The following NRXN3 variants were observed in gnomAD, a reference collection of about 807,000 sequenced individuals.
NRXN3 encodes neurexin 3.
NRXN3 carries 32 observed loss-of-function variants against 137.6 expected under a neutral mutation model. That is an observed-to-expected ratio of 0.23 (90% CI 0.18 to 0.31). NRXN3 has a LOEUF of 0.31. Ranked by LOEUF, NRXN3 falls within the 10% of genes least tolerant of loss-of-function variation. The probability of loss-of-function intolerance (pLI) is 1.00; values close to 1 mark genes in which losing one functional copy is unlikely to be tolerated. For synonymous variants in NRXN3, 798 were observed against 784.5 expected, an observed-to-expected ratio of 1.02 and a Z score of -0.29; for missense variants, 1,574 against 2,062.5, an observed-to-expected ratio of 0.76 and a Z score of 4.59.
chr14:79,773,232 G>T (rs1245259302), intron 19 of NRXN3, among the ~76,000 whole-genome samples: 1 of 152,120 alleles, frequency 6.6e-6, no homozygotes, highest in African/African-American at 2.4e-5. Flanking sequence ...ATTCCTCAGG[G>T]ATCAAGAACT....
chr14:79,695,729 C>T (rs554247666), intron 18 of NRXN3, among the ~76,000 whole-genome samples: 56 of 151,464 alleles, frequency 3.7e-4, no homozygotes, highest in African/African-American at 1.4e-3. Context: ...ATTGAACTTT[C>T]TGCTGTGTCT....
intron 10 of NRXN3, among the ~76,000 whole-genome samples, chr14:78,838,350 A>G (rs1241916280): frequency 6.6e-6 from 1 of 152,206 alleles, no homozygotes; most frequent in Non-Finnish European, 1.5e-5. Flanking sequence ...TAATTTCTAC[A>G]GATTTTTTTA....
At chr14:78,177,798 C>G (rs2059416875) in intron 1 of NRXN3, 1 of 152,162 alleles carries the variant, frequency 6.6e-6, no homozygotes, top group Non-Finnish European at 1.5e-5. Context: ...TTCCTACTAC[C>G]AACATGACTA....
intron 4 of NRXN3, among the ~76,000 whole-genome samples, chr14:78,307,877 G>A (rs562455331): frequency 3.3e-5 from 5 of 152,072 alleles, no homozygotes; most frequent in African/African-American, 7.2e-5. Context: ...CTTTTAATAA[G>A]CTACTAACTG....
At chr14:78,208,461 C>T (rs1360288916) in intron 1 of NRXN3, among the ~76,000 whole-genome samples, 1 of 152,182 alleles carries the variant, frequency 6.6e-6, no homozygotes, top group Middle Eastern at 3.2e-3. Context: ...ACCTCTCCTC[C>T]CCCTTATAAT....
chr14:79,587,492 G>C (rs1038425615), intron 16 of NRXN3, among the ~76,000 whole-genome samples: 2 of 152,186 alleles, frequency 1.3e-5, no homozygotes, highest in Non-Finnish European at 2.9e-5. Context: ...CGAGCAATGT[G>C]TTAAAGTTAG....
At chr14:78,359,300 T>C (rs2084773033) in intron 4 of NRXN3, among the ~76,000 whole-genome samples, 1 of 152,100 alleles carries the variant, frequency 6.6e-6, no homozygotes, top group Non-Finnish European at 1.5e-5. Flanking sequence ...TGGTCTCAGG[T>C]GTGGCCTGGG....
At chr14:79,674,275 G>C (rs1567851557) in intron 17 of NRXN3, among the ~76,000 whole-genome samples, 3 of 151,658 alleles carry the variant, frequency 2.0e-5, no homozygotes, top group Non-Finnish European at 4.4e-5. Context: ...TTTTTTTACA[G>C]TTTTATTGAG....
intron 9 of NRXN3, among the ~76,000 whole-genome samples, chr14:78,805,168 T>G (rs1389444744): frequency 6.6e-6 from 1 of 152,144 alleles, no homozygotes; most frequent in East Asian, 1.9e-4. Flanking sequence ...TTATGTCTTT[T>G]TTTTTTCTTC....
At position 79,704,852 on chromosome 14, in the gene NRXN3, T is replaced by G. The variant is rs867107499; in HGVS notation, c.4014+6915T>G. Among the ~76,000 whole-genome samples the G allele has an allele frequency of 1.4e-4, 21 of 152,202 alleles. 1 individual carries two copies. The highest frequency in any genetic ancestry group is 4.8e-4 in the African/African-American group (20 of 41,462). ...TTTACTCTCTGGAACTGCACAGTTCTAACAACAACAGAAAAGGGAGCTTGA... is the reference window on the plus strand; with the variant it reads ...TTTACTCTCTGGAACTGCACAGTTCGAACAACAACAGAAAAGGGAGCTTGA... On this transcript the variant is annotated intron_variant, in intron 19 of 20. Coordinates refer to ENST00000335750, the MANE Select transcript of NRXN3 (RefSeq NM_001330195.2).
At chr14:78,650,033 C>T (rs12889930) in intron 5 of NRXN3, among the ~76,000 whole-genome samples, 6,410 of 151,762 alleles carry the variant, frequency 0.042, 185 homozygotes, top group Non-Finnish European at 0.056. Context: ...TTTTTCCCCA[C>T]TCTTCATTCT....
At chr14:78,715,451 T>C (rs1360762960) in intron 8 of NRXN3, among the ~76,000 whole-genome samples, 1 of 152,246 alleles carries the variant, frequency 6.6e-6, no homozygotes, top group Non-Finnish European at 1.5e-5. Flanking sequence ...GCCAACTGGC[T>C]GTTTTATTCA....
intron 16 of NRXN3, among the ~76,000 whole-genome samples, chr14:79,621,333 A>G (rs775876042): frequency 1.3e-5 from 2 of 152,362 alleles, no homozygotes; most frequent in Non-Finnish European, 2.9e-5. Flanking sequence ...GTAAGTGTCA[A>G]TACAAAGATA....
chr14:79,340,476 A>G (rs2092547513), intron 15 of NRXN3, among the ~76,000 whole-genome samples: 2 of 152,072 alleles, frequency 1.3e-5, no homozygotes, highest in Admixed American at 1.3e-4. Context: ...GTATGTATGT[A>G]TGTTTTGAGA....
chr14:79,494,477 A>G (rs1287430691), intron 16 of NRXN3, among the ~76,000 whole-genome samples: 1 of 152,178 alleles, frequency 6.6e-6, no homozygotes, highest in African/African-American at 2.4e-5. Context: ...AAACATGGTC[A>G]TCCTCCAACA....
intron 6 of NRXN3, among the ~76,000 whole-genome samples, chr14:78,666,939 C>G (rs2152700265): frequency 6.6e-6 from 1 of 152,176 alleles, no homozygotes; most frequent in East Asian, 1.9e-4. Context: ...TAAATTTAAC[C>G]AGAGTAGTCT....
Position 78,297,864 on chromosome 14 carries a change from G to A in NRXN3, c.757+4G>A. ...CACCTCATGATGAGTGAACAAGGTA[G>A]GTGCTTTGTGCTTGTGGTCCTGCAG... On this transcript the variant is annotated splice_donor_region_variant and intron_variant, in intron 4 of 20. Coordinates refer to ENST00000335750, the MANE Select transcript of NRXN3 (RefSeq NM_001330195.2). 6.5e-7 allele frequency: 1 copy of A among 1,536,410 alleles called. No individual in the cohort carries two copies. Among genetic ancestry groups the A allele is most frequent in the Non-Finnish European group, 8.7e-7 (1 of 1,146,944 alleles).
rs183058744 is a variant in NRXN3, at chr14:79,708,074, A to G, written c.4014+10137A>G. ...GTGAGACATCACAATGACCACTTCTATGTAAAAGGTAGATTATAGATGGCC... is the reference window on the plus strand; with the variant it reads ...GTGAGACATCACAATGACCACTTCTGTGTAAAAGGTAGATTATAGATGGCC... On this transcript the variant is annotated intron_variant, in intron 19 of 20. Coordinates refer to ENST00000335750, the MANE Select transcript of NRXN3 (RefSeq NM_001330195.2). Among the ~76,000 whole-genome samples, 21 of 152,300 alleles carry G rather than the reference A, an allele frequency of 1.4e-4. No homozygotes were observed. In the South Asian group the frequency reaches 2.5e-3, roughly 18 times the overall value.
chr14:78,181,163 G>A (rs999988038), intron 1 of NRXN3, among the ~76,000 whole-genome samples: 3 of 152,192 alleles, frequency 2.0e-5, no homozygotes, highest in African/African-American at 7.2e-5. Context: ...TGTTTATAGT[G>A]TATTGATCAG....
Sources: gnomAD v4.1 joint callset for allele counts (sites outside exome capture counted in the v4.1 genomes callset) on GRCh38, gnomAD v4.1.1 for gene constraint, MANE v1.5 for transcripts, NCBI Gene and HGNC (gene_info 2026-07-23, HGNC 2026-07-21) for gene names.